Variants in HSD17B2 observed in about 807,000 individuals in gnomAD.
HSD17B2 encodes 17-beta-hydroxysteroid dehydrogenase type 2.
In HSD17B2, 32 loss-of-function variants were observed where a neutral mutation model predicts 26.9. The observed-to-expected ratio is 1.19, with a 90% CI of 0.90 to 1.60. HSD17B2 has a LOEUF of 1.60. Ranked by LOEUF, HSD17B2 falls within the 40% of genes most tolerant of loss-of-function variation. The pLI is 0.00. For missense variants in HSD17B2, 613 were observed against 468.6 expected (o/e 1.31, Z -2.85); for synonymous variants, 246 against 186.7 (o/e 1.32, Z -2.59).
intron 3 of HSD17B2, among the ~76,000 whole-genome samples, chr16:82,082,386 A>G (rs1273000549): frequency 1.3e-5 from 2 of 152,158 alleles, no homozygotes; most frequent in African/African-American, 4.8e-5. Context: ...CCTCTTCAAT[A>G]GGTTTCTTTG....
intron 3 of HSD17B2, among the ~76,000 whole-genome samples, chr16:82,072,189 G>A (rs1000132531): frequency 2.6e-5 from 4 of 151,956 alleles, no homozygotes; most frequent in African/African-American, 7.3e-5. Context: ...TTGGCCTGAG[G>A]CATAAACAAA....
chr16:82,046,942 G>A (rs1377693229), intron 1 of HSD17B2, among the ~76,000 whole-genome samples: 2 of 152,318 alleles, frequency 1.3e-5, no homozygotes, highest in South Asian at 4.1e-4. Context: ...GTGCAAAAAG[G>A]TAGATGGCAA....
chr16:82,046,474 G>C (rs1913932415), intron 1 of HSD17B2, among the ~76,000 whole-genome samples: 1 of 152,118 alleles, frequency 6.6e-6, no homozygotes, highest in Non-Finnish European at 1.5e-5. Context: ...TGTAATCCCA[G>C]CACTTTGGGA....
At chr16:82,073,251 G>A (rs1330855616) in intron 3 of HSD17B2, among the ~76,000 whole-genome samples, 4 of 151,044 alleles carry the variant, frequency 2.6e-5, no homozygotes, top group Non-Finnish European at 5.9e-5. Context: ...TTGAGATGGA[G>A]TCTCACTCTG....
Position 82,068,213 on chromosome 16 carries a change from T to A in HSD17B2, c.309T>A (p.Asp103Glu), listed in dbSNP as rs780219556. 2 of 1,614,056 alleles carry A rather than the reference T, an allele frequency of 1.2e-6. No homozygotes were observed. Among genetic ancestry groups the A allele is most frequent in the East Asian group, 4.5e-5 (2 of 44,870 alleles). Residue 103 changes from aspartate to glutamate, a missense_variant, in exon 2 of 5, where the codon GAT becomes GAA. By Grantham distance (45) the Asp-to-Glu change is conservative. Coordinates refer to ENST00000199936, the MANE Select transcript of HSD17B2 (RefSeq NM_002153.3). ...GCCATGCTTTGTGCAAGTATCTGGA[T>A]GAGCTGGGCTTCACGGTATTTGCCG... ...GLGHALCKYL[D>E]ELGFTVFAGV...
intron 3 of HSD17B2, among the ~76,000 whole-genome samples, chr16:82,078,184 G>GA (rs1442697407): frequency 6.6e-6 from 1 of 152,050 alleles, no homozygotes; most frequent in Non-Finnish European, 1.5e-5. Context: ...AACTCTACAG[G>GA]AAAAAATCAA....
intron 2 of HSD17B2, among the ~76,000 whole-genome samples, chr16:82,069,627 C>G (rs1248971865): frequency 2.0e-5 from 3 of 152,352 alleles, no homozygotes; most frequent in Admixed American, 2.0e-4. Context: ...GTTGCATCTG[C>G]AGACTTCGCA....
rs183962051 is a variant in HSD17B2, at chr16:82,083,171, G to C, written c.665-7731G>C. Among the ~76,000 whole-genome samples the C allele has an allele frequency of 2.0e-5, 3 of 152,270 alleles. No homozygotes were observed. In the East Asian group the frequency reaches 5.8e-4, roughly 29 times the overall value. ...ATGTCTTCTAAATACACTCCTACGG[G>C]TGGGAAGTTCCAGGAGTGGGATGGG... On this transcript the variant is annotated intron_variant, in intron 3 of 4. Transcript: ENST00000199936.
chr16:82,068,973 G>T (rs1914636189), intron 2 of HSD17B2, among the ~76,000 whole-genome samples: 1 of 152,134 alleles, frequency 6.6e-6, no homozygotes, highest in African/African-American at 2.4e-5. Context: ...TGTGACATAG[G>T]TAAGCATGTG....
intron 3 of HSD17B2, among the ~76,000 whole-genome samples, chr16:82,083,854 G>C (rs951723187): frequency 6.6e-6 from 1 of 152,048 alleles, no homozygotes; most frequent in African/African-American, 2.4e-5. Flanking sequence ...CACATAAATA[G>C]CATAGCTCTT....
intron 4 of HSD17B2, chr16:82,097,662 G>A (rs1421498406): frequency 6.5e-6 from 1 of 154,266 alleles, no homozygotes; most frequent in African/African-American, 2.4e-5. Context: ...TTGCAGGCCA[G>A]GCGTGGTGGC....
chr16:82,051,334 G>A lies in HSD17B2; in HGVS notation c.265+15645G>A, dbSNP rs564284423. Among the ~76,000 whole-genome samples, 78 of 152,376 alleles carry A rather than the reference G, an allele frequency of 5.1e-4. 1 individual carries two copies. The highest frequency in any genetic ancestry group is 1.7e-3 in the African/African-American group (72 of 41,588). ...AACAAAGACTGCTAGGCAGGCAAGT[G>A]CCTTCCCGCCAGGGTTAGAGAGATT... On this transcript the variant is annotated intron_variant, in intron 1 of 4. Coordinates refer to ENST00000199936, the MANE Select transcript of HSD17B2 (RefSeq NM_002153.3).
At chr16:82,054,979 C>A (rs937546628) in intron 1 of HSD17B2, among the ~76,000 whole-genome samples, 1 of 152,168 alleles carries the variant, frequency 6.6e-6, no homozygotes, top group Non-Finnish European at 1.5e-5. Flanking sequence ...CCAGATGGTT[C>A]TTTTTGGTGG....
intron 1 of HSD17B2, among the ~76,000 whole-genome samples, chr16:82,041,737 C>G (rs1913771262): frequency 6.6e-6 from 1 of 152,202 alleles, no homozygotes; most frequent in Non-Finnish European, 1.5e-5. Context: ...TACACTTCCT[C>G]CAAGGTAATC....
chr16:82,061,697 A>G (rs1290015637), intron 1 of HSD17B2, among the ~76,000 whole-genome samples: 3 of 152,254 alleles, frequency 2.0e-5, no homozygotes, highest in African/African-American at 2.4e-5. Flanking sequence ...AAAAAAGACT[A>G]GAAGAAAAAG....
intron 2 of HSD17B2, among the ~76,000 whole-genome samples, chr16:82,069,980 G>C (rs755089239): frequency 6.6e-6 from 1 of 152,150 alleles, no homozygotes; most frequent in Non-Finnish European, 1.5e-5. Context: ...TGATGCTAAT[G>C]TTAGCGCAGG....
At chr16:82,043,640 C>T (rs940760318) in intron 1 of HSD17B2, among the ~76,000 whole-genome samples, 3 of 116,194 alleles carry the variant, frequency 2.6e-5, no homozygotes, top group Admixed American at 1.7e-4. Flanking sequence ...GTCGAGATCG[C>T]GCCACTGCAC....
intron 3 of HSD17B2, among the ~76,000 whole-genome samples, chr16:82,088,589 C>T (rs564295581): frequency 6.6e-5 from 10 of 152,306 alleles, no homozygotes; most frequent in African/African-American, 2.4e-4. Flanking sequence ...AGAACTCTGG[C>T]TAACCCCACG....
At chr16:82,073,798 T>C (rs1331384119) in intron 3 of HSD17B2, among the ~76,000 whole-genome samples, 2 of 152,160 alleles carry the variant, frequency 1.3e-5, no homozygotes, top group African/African-American at 4.8e-5. Context: ...ATAGATTCGA[T>C]GCTATTCCTA....
Sources: allele counts gnomAD v4.1 joint callset (sites outside exome capture counted in the v4.1 genomes callset), GRCh38; gene constraint gnomAD v4.1.1; transcripts MANE v1.5; gene names NCBI Gene and HGNC (gene_info 2026-07-23, HGNC 2026-07-21).